The following P2RY12 variants were observed in gnomAD, a reference collection of about 807,000 sequenced individuals.
P2RY12 encodes purinergic receptor P2Y12, also known as P2Y purinoceptor 12.
In P2RY12, 3 loss-of-function variants were observed where a neutral mutation model predicts 4.5. That is an observed-to-expected ratio of 0.67 (90% CI 0.31 to 1.74). The LOEUF is 1.74. Among genes scored for constraint, P2RY12 ranks in the 40% most tolerant of loss-of-function variants. The pLI, the probability that P2RY12 is intolerant of heterozygous loss-of-function variation, is 0.09. For missense variants in P2RY12, 356 were observed against 407.8 expected, an observed-to-expected ratio of 0.87 and a Z score of 1.09; for synonymous variants, 148 against 154.1, an observed-to-expected ratio of 0.96 and a Z score of 0.29.
chr3:151,340,494 G>T (rs2149951793), intron 2 of P2RY12, 102 bp downstream of exon 2: 1 of 152,592 alleles, frequency 6.6e-6, no homozygotes, highest in African/African-American at 2.4e-5. Flanking sequence ...TGCATTGATA[G>T]TTATTAAGGT....
At chr3:151,373,272 T>A (rs917094806) in intron 1 of P2RY12, among the ~76,000 whole-genome samples, 2 of 152,152 alleles carry the variant, frequency 1.3e-5, no homozygotes, top group African/African-American at 2.4e-5. Flanking sequence ...ACAGAAATAA[T>A]CTTGAGTTCT....
At chr3:151,355,936 C>T (rs1304717089) in intron 1 of P2RY12, 6 of 1,614,024 alleles carry the variant, frequency 3.7e-6, no homozygotes, top group Non-Finnish European at 5.1e-6. Flanking sequence ...AGCTTTGCGT[C>T]AGGAACATCC....
intron 1 of P2RY12, among the ~76,000 whole-genome samples, chr3:151,343,704 A>C (rs1341328116): frequency 6.6e-6 from 1 of 152,186 alleles, no homozygotes. Context: ...ATTTTGTATA[A>C]TTGAGATGAG....
intron 1 of P2RY12, among the ~76,000 whole-genome samples, chr3:151,347,730 A>T (rs1752705576): frequency 6.6e-6 from 1 of 152,210 alleles, no homozygotes; most frequent in Non-Finnish European, 1.5e-5. Context: ...GTGAATTAAC[A>T]GTAGTGAACA....
chr3:151,344,287 T>C (rs960532676), intron 1 of P2RY12, among the ~76,000 whole-genome samples: 18 of 131,050 alleles, frequency 1.4e-4, no homozygotes, highest in Non-Finnish European at 2.7e-4. Context: ...ATATACTCTA[T>C]GTATAGTTAC....
intron 1 of P2RY12, among the ~76,000 whole-genome samples, chr3:151,380,384 G>T (rs1205547607): frequency 5.9e-5 from 9 of 152,088 alleles, no homozygotes. Context: ...ATCACCTGAG[G>T]CCAGGAGTTC....
In P2RY12 at chr3:151,337,658, CT is replaced by C; in HGVS notation, c.*158del. On this transcript the variant is annotated 3_prime_UTR_variant, in exon 3 of 3. Coordinates refer to ENST00000302632, the MANE Select transcript of P2RY12 (RefSeq NM_022788.5). ...CTATATTTTAAGATAGCTTTTCATA[CT>C]GGAAAGGTAAATGAAAATTGCTTTT... The C allele has an allele frequency of 5.7e-6, 4 of 702,246 alleles. No individual in the cohort carries two copies. The highest frequency in any genetic ancestry group is 9.3e-6 in the Non-Finnish European group (4 of 430,146). The allele number at this position is 702,246 out of a possible 1,614,324, so 43.5% of individuals were successfully genotyped here.
chr3:151,350,277 A>G (rs1402210555), intron 1 of P2RY12: 18 of 1,495,374 alleles, frequency 1.2e-5, no homozygotes, highest in Non-Finnish European at 1.4e-5. Context: ...GTCTTTATCA[A>G]AGTGTTCTAT....
At position 151,379,429 on chromosome 3, in the gene P2RY12, T is replaced by C. The variant is rs184643305; in HGVS notation, c.-180+5263A>G. ...ATATGATTTGTTGATTATTCTCTAA[T>C]TGAAGACATTTTGTTAAAATGCCAA... is the stretch of plus-strand genomic sequence containing the variant. On this transcript the variant is annotated intron_variant, in intron 1 of 2. Coordinates refer to ENST00000302632, the MANE Select transcript of P2RY12 (RefSeq NM_022788.5). Among the ~76,000 whole-genome samples the C allele has an allele frequency of 3.5e-4, 53 of 152,374 alleles. 1 individual carries two copies. The highest frequency in any genetic ancestry group is 1.2e-3 in the African/African-American group (49 of 41,584).
At chr3:151,379,842 TA>T (rs1189748443) in intron 1 of P2RY12, among the ~76,000 whole-genome samples, 1 of 152,238 alleles carries the variant, frequency 6.6e-6, no homozygotes, top group Non-Finnish European at 1.5e-5. Context: ...CACTGTCTTC[TA>T]CCCTCACTGC....
At chr3:151,343,168 C>G (rs1011045771) in intron 1 of P2RY12, among the ~76,000 whole-genome samples, 4 of 152,164 alleles carry the variant, frequency 2.6e-5, no homozygotes, top group African/African-American at 9.7e-5. Context: ...CCATACTCTC[C>G]TTTACAGCAA....
At chr3:151,376,974 C>G in intron 1 of P2RY12, 4 of 1,612,800 alleles carry the variant, frequency 2.5e-6, no homozygotes, top group Non-Finnish European at 3.4e-6. Flanking sequence ...TGCCAGTATT[C>G]TTATATCTAA....
At chr3:151,381,486 T>C (rs1712330817) in intron 1 of P2RY12, among the ~76,000 whole-genome samples, 2 of 152,232 alleles carry the variant, frequency 1.3e-5, no homozygotes, top group East Asian at 1.9e-4. Flanking sequence ...GCACTGGCCA[T>C]GTTACTGTTC....
chr3:151,368,689 TATTTCATTTCATTTCATTTC>T (rs1175917645), intron 1 of P2RY12, among the ~76,000 whole-genome samples: 79 of 41,960 alleles, frequency 1.9e-3, no homozygotes, highest in African/African-American at 4.7e-3. Flanking sequence ...CATTTCATTT[TATTTCATTTCATTTCATTTC>T]ATTTCATTTC....
rs768928367 is a variant in P2RY12, at chr3:151,365,234, A to T, written c.-180+19458T>A. ...GAGATGGGTTACCCTGGAATTCATG[A>T]TTAACCAAAGAGTTGTTGCCTTGGT... On this transcript the variant is annotated intron_variant, in intron 1 of 2. Transcript: ENST00000302632. 11 of 1,577,716 alleles carry T rather than the reference A, an allele frequency of 7.0e-6. No homozygotes were observed. The East Asian group carries it at 2.2e-4, about 32-fold the overall frequency.
At chr3:151,373,121 C>T (rs759130661) in intron 1 of P2RY12, among the ~76,000 whole-genome samples, 2 of 152,032 alleles carry the variant, frequency 1.3e-5, no homozygotes, top group African/African-American at 2.4e-5. Flanking sequence ...TATTAAACAT[C>T]AGAAAATTTA....
intron 1 of P2RY12, among the ~76,000 whole-genome samples, chr3:151,359,535 C>T (rs1388692378): frequency 2.0e-5 from 3 of 152,092 alleles, no homozygotes; most frequent in Non-Finnish European, 4.4e-5. Context: ...GCCCTTTCCC[C>T]TGAATAGTAC....
chr3:151,346,699 C>G (rs1252006281), intron 1 of P2RY12, among the ~76,000 whole-genome samples: 1 of 152,030 alleles, frequency 6.6e-6, no homozygotes, highest in Non-Finnish European at 1.5e-5. Flanking sequence ...CTTATTTCTC[C>G]CCTCACCATC....
intron 1 of P2RY12, chr3:151,377,979 T>C (rs1340147185): frequency 3.9e-6 from 6 of 1,546,470 alleles, no homozygotes; most frequent in Non-Finnish European, 5.3e-6. Context: ...GAAAGGATGC[T>C]TTCTCCGGTG....
Sources: allele counts gnomAD v4.1 joint callset (sites outside exome capture counted in the v4.1 genomes callset), GRCh38; gene constraint gnomAD v4.1.1; transcripts MANE v1.5; gene names NCBI Gene and HGNC (gene_info 2026-07-23, HGNC 2026-07-21).